GRK3: variants seen among roughly 807,000 people sequenced by gnomAD.
GRK3 encodes G protein-coupled receptor kinase 3, also known as adrenergic, beta, receptor kinase 2.
A neutral mutation model predicts 95.7 loss-of-function variants in GRK3; 54 were observed. That is an observed-to-expected ratio of 0.56 (90% CI 0.45 to 0.71). The LOEUF (loss-of-function observed/expected upper bound fraction) is 0.71, where lower values mean the gene tolerates loss of function less well. GRK3 is among the 30% of genes least tolerant of loss of function. GRK3 has a pLI of 0.00. For synonymous variants in GRK3, 281 were observed against 290.8 expected (o/e 0.97, Z 0.34); for missense variants, 649 against 851.2 (o/e 0.76, Z 2.96).
chr22:25,709,767 T>C, intron 15 of GRK3, 131 bp from the exon 16 acceptor site: 1 of 682,888 alleles, frequency 1.5e-6, no homozygotes, highest in Non-Finnish European at 2.6e-6. Flanking sequence ...AGGAAGCATA[T>C]TTGTTTGCTT....
intron 8 of GRK3, among the ~76,000 whole-genome samples, chr22:25,675,224 C>A (rs890972229): frequency 6.7e-6 from 1 of 150,064 alleles, no homozygotes; most frequent in Non-Finnish European, 1.5e-5. Context: ...GACTCACCGA[C>A]GATGAAGTGA....
intron 3 of GRK3, among the ~76,000 whole-genome samples, chr22:25,650,775 G>A (rs8141505): frequency 0.026 from 3,979 of 152,176 alleles, 58 homozygotes; most frequent in African/African-American, 0.039. Flanking sequence ...CACTAAATGG[G>A]CATTATTTGT....
At chr22:25,648,731 G>A (rs924532271) in intron 3 of GRK3, 2 of 1,090,354 alleles carry the variant, frequency 1.8e-6, no homozygotes, top group Non-Finnish European at 2.8e-6. Flanking sequence ...TGGTTGATAT[G>A]CCTGCTCAGA....
intron 2 of GRK3, among the ~76,000 whole-genome samples, chr22:25,632,534 A>G (rs2146369397): frequency 6.6e-6 from 1 of 152,338 alleles, no homozygotes; most frequent in Non-Finnish European, 1.5e-5. Flanking sequence ...AAGTATAATG[A>G]AATTGAATTT....
At chr22:25,650,787 CA>C in intron 3 of GRK3, among the ~76,000 whole-genome samples, 1 of 152,222 alleles carries the variant, frequency 6.6e-6, no homozygotes, top group South Asian at 2.1e-4. Context: ...ATTATTTGTT[CA>C]AAATAGTGAA....
chr22:25,627,562 C>A (rs1375340943), intron 2 of GRK3, among the ~76,000 whole-genome samples: 1 of 152,188 alleles, frequency 6.6e-6, no homozygotes, highest in Non-Finnish European at 1.5e-5. Flanking sequence ...TTCCTGAAAC[C>A]ATCTGTGACT....
At chr22:25,583,380 T>C (rs1043458411) in intron 1 of GRK3, among the ~76,000 whole-genome samples, 5 of 148,698 alleles carry the variant, frequency 3.4e-5, no homozygotes, top group African/African-American at 1.0e-4. Context: ...TTTTTCTTAG[T>C]TACTGTCATC....
intron 13 of GRK3, 52 bp from the exon 14 acceptor site, chr22:25,703,458 T>A (rs551292130): frequency 7.2e-7 from 1 of 1,390,686 alleles, no homozygotes; most frequent in Non-Finnish European, 1.0e-6. Context: ...CAGTGATATG[T>A]TCTATATCAC....
chr22:25,655,477 C>T (rs2084863857), intron 3 of GRK3, among the ~76,000 whole-genome samples: 1 of 152,188 alleles, frequency 6.6e-6, no homozygotes, highest in Non-Finnish European at 1.5e-5. Context: ...TCTAGCAAGT[C>T]TGTTTGTGCA....
At chr22:25,587,976 G>T (rs1270018192) in intron 1 of GRK3, among the ~76,000 whole-genome samples, 1 of 152,122 alleles carries the variant, frequency 6.6e-6, no homozygotes, top group Non-Finnish European at 1.5e-5. Context: ...TGTGAAAATG[G>T]ACTAATACAA....
Position 25,711,110 on chromosome 22 carries a change from G to T in GRK3, c.1438G>T (p.Ala480Ser), listed in dbSNP as rs560899399. Residue 480 changes from alanine (A) to serine (S), a missense_variant, in exon 17 of 21, where the codon GCT becomes TCT. Ala to Ser is a moderately conservative substitution (Grantham distance 99). Around this residue, in one of 3 missense-constraint regions of GRK3, gnomAD observed 382 missense variants for 493.8 expected, o/e 0.77. Coordinates refer to ENST00000324198, the MANE Select transcript of GRK3 (RefSeq NM_005160.4). ...LIPPRGEVNA[A>S]DAFDIGSFDE... is the part of the protein sequence containing the mutation. ...TCCTCCCCGGGGAGAAGTCAATGCT[G>T]CTGATGCCTTTGATATTGGCTCATT... 1 of 1,613,866 alleles carries T rather than the reference G, an allele frequency of 6.2e-7. No homozygotes were observed. The highest frequency in any genetic ancestry group is 2.2e-5 in the East Asian group (1 of 44,866).
At chr22:25,693,954 G>A (rs1424926034) in intron 12 of GRK3, among the ~76,000 whole-genome samples, 1 of 151,872 alleles carries the variant, frequency 6.6e-6, no homozygotes, top group Non-Finnish European at 1.5e-5. Context: ...ACCACGCCTG[G>A]CTAATTTTGT....
intron 1 of GRK3, among the ~76,000 whole-genome samples, chr22:25,566,607 A>G (rs181885937): frequency 6.6e-6 from 1 of 152,278 alleles, no homozygotes; most frequent in African/African-American, 2.4e-5. Flanking sequence ...CCTTTCTGCA[A>G]TGTCGTGAGT....
rs1932304455 is a variant in GRK3, at chr22:25,586,372, A to G, written c.114-18005A>G. ...ATTTTAAAATAAAGAGTATAATTGG[A>G]TAATTTGTAACTCAGAGGAGAAATG... On this transcript the variant is annotated intron_variant, in intron 1 of 20. Coordinates refer to ENST00000324198, the MANE Select transcript of GRK3 (RefSeq NM_005160.4). Among the ~76,000 whole-genome samples the G allele has an allele frequency of 3.3e-5, 5 of 152,288 alleles. No homozygotes were observed. In the South Asian group the frequency reaches 1.0e-3, roughly 32 times the overall value.
At position 25,564,740 on chromosome 22, in the gene GRK3, G is replaced by A. The variant is rs1931368876; in HGVS notation, c.-301G>A. 1 of 151,340 alleles carries A rather than the reference G, an allele frequency of 6.6e-6. No individual in the cohort carries two copies. The highest frequency in any genetic ancestry group is 2.1e-4 in the South Asian group (1 of 4,814). The allele number at this position is 151,340 out of a possible 1,614,324, so 9.4% of individuals were successfully genotyped here. Reference sequence around the variant, plus strand: ...TGTGCACTGAGGGGCGCTGACCGTTGGACGCGCGCTCCCCGCAGACCCTCG... The same window carrying A: ...TGTGCACTGAGGGGCGCTGACCGTTAGACGCGCGCTCCCCGCAGACCCTCG... On this transcript the variant is annotated 5_prime_UTR_variant, in exon 1 of 21. Coordinates refer to ENST00000324198, the MANE Select transcript of GRK3 (RefSeq NM_005160.4).
At chr22:25,672,642 A>G (rs932630866) in intron 7 of GRK3, among the ~76,000 whole-genome samples, 1 of 152,246 alleles carries the variant, frequency 6.6e-6, no homozygotes, top group South Asian at 2.1e-4. Context: ...TTTACTTAAT[A>G]TAACTCCTTC....
intron 2 of GRK3, among the ~76,000 whole-genome samples, chr22:25,629,868 A>T (rs976831282): frequency 2.0e-5 from 3 of 152,164 alleles, no homozygotes; most frequent in African/African-American, 7.2e-5. Context: ...CTAAGGAAGG[A>T]ACACTGACGT....
chr22:25,709,993 G>T, intron 16 of GRK3, 29 bp downstream of exon 16: 2 of 1,528,262 alleles, frequency 1.3e-6, no homozygotes, highest in South Asian at 1.1e-5. Context: ...CTCTACTTAC[G>T]GTACTGCCGC....
At chr22:25,570,734 T>G (rs1178207545) in intron 1 of GRK3, among the ~76,000 whole-genome samples, 1 of 152,226 alleles carries the variant, frequency 6.6e-6, no homozygotes, top group African/African-American at 2.4e-5. Context: ...CCTCTGCTTC[T>G]CCTGTGTCTT....
Sources: allele counts gnomAD v4.1 joint callset (sites outside exome capture counted in the v4.1 genomes callset), GRCh38; gene constraint gnomAD v4.1.1; regional missense constraint gnomAD v4.1.1; transcripts MANE v1.5; gene names NCBI Gene and HGNC (gene_info 2026-07-23, HGNC 2026-07-21).